The following ZNF407 variants were observed in gnomAD, a reference collection of about 807,000 sequenced individuals.
ZNF407 encodes zinc finger protein 407.
A neutral mutation model predicts 131.2 loss-of-function variants in ZNF407; 17 were observed. That is an observed-to-expected ratio of 0.13 (90% CI 0.09 to 0.19). The LOEUF (loss-of-function observed/expected upper bound fraction) is 0.19. ZNF407 is among the 10% of genes least tolerant of loss of function. The pLI, the probability that ZNF407 is intolerant of heterozygous loss-of-function variation, is 1.00. For synonymous variants in ZNF407, 1,156 were observed against 1,062.0 expected, an observed-to-expected ratio of 1.09 and a Z score of -1.72; for missense variants, 2,681 against 2,830.6, an observed-to-expected ratio of 0.95 and a Z score of 1.20.
At chr18:74,878,134 C>CT (rs1020965976) in intron 5 of ZNF407, among the ~76,000 whole-genome samples, 5 of 151,970 alleles carry the variant, frequency 3.3e-5, no homozygotes, top group African/African-American at 1.2e-4. Context: ...TTTGTGATTT[C>CT]TTTTTTATAG....
Position 74,630,829 on chromosome 18 carries a change from T to G in ZNF407, c.-53-138T>G, listed in dbSNP as rs1003018635. Reference sequence around the variant, plus strand: ...ACTTCATACTTTTTGATAAAAGACTTTAGACATGTAATCAAATTCATCTCA... The same window carrying G: ...ACTTCATACTTTTTGATAAAAGACTGTAGACATGTAATCAAATTCATCTCA... On this transcript the variant is annotated intron_variant, in intron 1 of 8. Coordinates refer to ENST00000299687, the MANE Select transcript of ZNF407 (RefSeq NM_017757.3). The G allele has an allele frequency of 9.0e-6, 5 of 557,766 alleles. No homozygotes were observed. In the African/African-American group the frequency reaches 9.6e-5, roughly 11 times the overall value. 34.6% of individuals were successfully genotyped at this position (557,766 alleles called of 1,614,324 possible).
chr18:74,637,838 C>T (rs967601630), intron 2 of ZNF407, among the ~76,000 whole-genome samples: 1 of 152,130 alleles, frequency 6.6e-6, no homozygotes, highest in Admixed American at 6.5e-5. Context: ...TGCTTCCCAT[C>T]CTTAGCAGGA....
chr18:75,050,751 T>A (rs182481712), intron 8 of ZNF407, among the ~76,000 whole-genome samples: 10 of 152,338 alleles, frequency 6.6e-5, no homozygotes, highest in Admixed American at 2.6e-4. Context: ...CAAGGCTGAT[T>A]TCTCTAGAAA....
At chr18:74,765,804 A>G (rs1009748747) in intron 3 of ZNF407, among the ~76,000 whole-genome samples, 4 of 151,868 alleles carry the variant, frequency 2.6e-5, no homozygotes, top group Non-Finnish European at 5.9e-5. Flanking sequence ...ACCTCGTTAC[A>G]CTGTCTGACA....
chr18:74,651,272 A>C (rs1163473349), intron 3 of ZNF407, among the ~76,000 whole-genome samples: 1 of 152,212 alleles, frequency 6.6e-6, no homozygotes, highest in Non-Finnish European at 1.5e-5. Flanking sequence ...GAGATTTAAG[A>C]ATCTTGCACT....
At chr18:75,052,568 G>A (rs1278212631) in intron 8 of ZNF407, among the ~76,000 whole-genome samples, 2 of 152,182 alleles carry the variant, frequency 1.3e-5, no homozygotes, top group Admixed American at 6.5e-5. Flanking sequence ...CATTCCACCC[G>A]AAAGCATTCC....
chr18:74,749,067 A>C (rs779932821), intron 3 of ZNF407, among the ~76,000 whole-genome samples: 93 of 152,264 alleles, frequency 6.1e-4, no homozygotes, highest in Non-Finnish European at 9.7e-4. Flanking sequence ...TGACAATAAA[A>C]CAGCAGGTGG....
intron 3 of ZNF407, among the ~76,000 whole-genome samples, chr18:74,766,430 G>A (rs570058514): frequency 6.6e-6 from 1 of 152,322 alleles, no homozygotes; most frequent in African/African-American, 2.4e-5. Context: ...CAAAGGTTTG[G>A]TTGTTGTCTT....
intron 3 of ZNF407, among the ~76,000 whole-genome samples, chr18:74,757,112 T>C (rs1848598217): frequency 6.6e-6 from 1 of 152,078 alleles, no homozygotes; most frequent in South Asian, 2.1e-4. Flanking sequence ...TTTTATTTCA[T>C]CCCTTCTGCT....
At chr18:74,788,651 T>C (rs766487359) in intron 4 of ZNF407, among the ~76,000 whole-genome samples, 47 of 150,900 alleles carry the variant, frequency 3.1e-4, no homozygotes, top group Non-Finnish European at 5.0e-4. Flanking sequence ...TTTACTACTT[T>C]AGTAGAAATT....
At chr18:74,766,380 A>G (rs1407960996) in intron 3 of ZNF407, among the ~76,000 whole-genome samples, 1 of 152,178 alleles carries the variant, frequency 6.6e-6, no homozygotes, top group Non-Finnish European at 1.5e-5. Context: ...GGAGTCAGAG[A>G]AGCTGATGTA....
chr18:75,055,916 T>C (rs1203694323), intron 8 of ZNF407, among the ~76,000 whole-genome samples: 1 of 152,240 alleles, frequency 6.6e-6, no homozygotes, highest in African/African-American at 2.4e-5. Flanking sequence ...TTTGAATGTA[T>C]GTGAAAGAAT....
intron 4 of ZNF407, among the ~76,000 whole-genome samples, chr18:74,781,792 T>C (rs1009540257): frequency 3.3e-5 from 5 of 152,276 alleles, no homozygotes; most frequent in African/African-American, 1.2e-4. Flanking sequence ...CTTCTGAAAA[T>C]GCATTCGAGT....
rs146982064 is a variant in ZNF407, at chr18:74,964,975, G to A, written c.5428+44283G>A. On this transcript the variant is annotated intron_variant, in intron 8 of 8. Coordinates refer to ENST00000299687, the MANE Select transcript of ZNF407 (RefSeq NM_017757.3). ...TATCTATATGATTGCCTTAGCAGTA[G>A]AAAGAACCTCTTCATTTTGGGTCTT... is the stretch of plus-strand genomic sequence containing the variant. 2.0e-4 allele frequency among the ~76,000 whole-genome samples: 30 copies of A among 152,316 alleles called. 1 individual carries two copies. In the East Asian group the frequency reaches 4.8e-3, roughly 25 times the overall value.
At chr18:75,060,507 C>CTTTTTTTTTTTTTTTTTTTT (rs564194650) in intron 8 of ZNF407, among the ~76,000 whole-genome samples, 2 of 124,464 alleles carry the variant, frequency 1.6e-5, no homozygotes, top group Non-Finnish European at 3.2e-5. Flanking sequence ...TTCTTTTTTT[C>CTTTTTTTTTTTTTTTTTTTT]TTTTTTTTTT....
chr18:74,721,410 A>T (rs1172538230), intron 3 of ZNF407, among the ~76,000 whole-genome samples: 1 of 152,178 alleles, frequency 6.6e-6, no homozygotes, highest in Non-Finnish European at 1.5e-5. Context: ...GGCAAGAGAG[A>T]AATAAGTGGC....
intron 7 of ZNF407, among the ~76,000 whole-genome samples, chr18:74,906,411 C>T (rs894610789): frequency 6.6e-6 from 1 of 152,242 alleles, no homozygotes; most frequent in Non-Finnish European, 1.5e-5. Context: ...CCCCAACTGT[C>T]AGCTGTGCTG....
chr18:74,912,023 A>G (rs1170848487), intron 7 of ZNF407, among the ~76,000 whole-genome samples: 1 of 152,124 alleles, frequency 6.6e-6, no homozygotes, highest in Non-Finnish European at 1.5e-5. Flanking sequence ...CACTAATTTT[A>G]CAAAAAAGCA....
At chr18:74,661,172 G>C (rs1041576631) in intron 3 of ZNF407, among the ~76,000 whole-genome samples, 1 of 152,074 alleles carries the variant, frequency 6.6e-6, no homozygotes, top group Non-Finnish European at 1.5e-5. Flanking sequence ...GGGTTACACT[G>C]TTAGGTTAAA....
Sources: gnomAD v4.1 joint callset for allele counts (sites outside exome capture counted in the v4.1 genomes callset) on GRCh38, gnomAD v4.1.1 for gene constraint, MANE v1.5 for transcripts, NCBI Gene and HGNC (gene_info 2026-07-23, HGNC 2026-07-21) for gene names.